The following SMAD4 variants were observed in gnomAD, a reference collection of about 807,000 sequenced individuals.
SMAD4 encodes the protein MAD homolog 4.
A neutral mutation model predicts 63.2 loss-of-function variants in SMAD4; 7 were observed. The observed-to-expected ratio is 0.11, with a 90% CI of 0.06 to 0.21. SMAD4 has a LOEUF of 0.21. Among genes scored for constraint, SMAD4 ranks in the 10% least tolerant of loss-of-function variants. The probability of loss-of-function intolerance (pLI) is 1.00; values close to 1 mark genes in which losing one functional copy is unlikely to be tolerated. For synonymous variants in SMAD4, 215 were observed against 235.4 expected (o/e 0.91, Z 0.79); for missense variants, 312 against 693.8 (o/e 0.45, Z 6.18).
intron 8 of SMAD4, among the ~76,000 whole-genome samples, chr18:51,061,341 T>C (rs1452739583): frequency 6.6e-6 from 1 of 152,200 alleles, no homozygotes; most frequent in African/African-American, 2.4e-5. Context: ...CATCCTCACC[T>C]TCCCCCAATC....
At chr18:51,036,796 G>A (rs1166628834) in intron 1 of SMAD4, among the ~76,000 whole-genome samples, 4 of 152,156 alleles carry the variant, frequency 2.6e-5, no homozygotes, top group Non-Finnish European at 4.4e-5. Context: ...TAACCTGCGG[G>A]GGATTTTGAT....
intron 10 of SMAD4, among the ~76,000 whole-genome samples, chr18:51,075,915 C>A (rs1039136547): frequency 1.7e-4 from 26 of 152,044 alleles, no homozygotes; most frequent in Admixed American, 1.6e-3. Context: ...GAAACTCAGC[C>A]CATATAATTA....
At chr18:51,071,708 T>C (rs1378326985) in intron 10 of SMAD4, among the ~76,000 whole-genome samples, 2 of 152,218 alleles carry the variant, frequency 1.3e-5, no homozygotes, top group Non-Finnish European at 2.9e-5. Flanking sequence ...GTGCAGTCAT[T>C]ACTACTCAAT....
At chr18:51,049,217 C>G (rs2144407161) in intron 3 of SMAD4, 78 bp from the exon 4 acceptor site, 1 of 1,123,332 alleles carries the variant, frequency 8.9e-7, no homozygotes, top group East Asian at 2.4e-5. Flanking sequence ...TTTAAATTTA[C>G]ATTCTCTGTT....
At chr18:51,069,924 G>C (rs1460693215) in intron 10 of SMAD4, among the ~76,000 whole-genome samples, 3 of 152,138 alleles carry the variant, frequency 2.0e-5, no homozygotes, top group Admixed American at 2.0e-4. Context: ...TTTAGTCTCT[G>C]CTCTCCACTG....
At chr18:51,076,200 A>G (rs1168189448) in intron 10 of SMAD4, among the ~76,000 whole-genome samples, 1 of 152,210 alleles carries the variant, frequency 6.6e-6, no homozygotes, top group Non-Finnish European at 1.5e-5. Flanking sequence ...CGACAGTGCC[A>G]TTTTGTTAAA....
At chr18:51,077,494 A>G (rs982584928) in intron 11 of SMAD4, 22 of 393,354 alleles carry the variant, frequency 5.6e-5, no homozygotes, top group Non-Finnish European at 7.3e-5. Flanking sequence ...AATTCCTCCC[A>G]TTAGTTTCAT....
In SMAD4 at chr18:51,078,791, TGCAG is replaced by T; in HGVS notation, c.*325_*328del. On this transcript the variant is annotated 3_prime_UTR_variant, in exon 12 of 12. Transcript: ENST00000342988. The stretch of plus-strand genomic sequence containing the variant: ...TTAAAACGTCTTAGAGCCTTTTATC[TGCAG>T]AACATCGATATGTATATCATTCTAC... 1 of 340,904 alleles carries T rather than the reference TGCAG, an allele frequency of 2.9e-6. No homozygotes were observed. The highest frequency in any genetic ancestry group is 2.0e-5 in the African/African-American group (1 of 49,480). The allele number at this position is 340,904 out of a possible 1,614,324, so 21.1% of individuals were successfully genotyped here.
Position 51,049,344 on chromosome 18 carries a change from C to T in SMAD4, c.454+20C>T, listed in dbSNP as rs758615780. The T allele has an allele frequency of 6.3e-6, 10 of 1,578,658 alleles. No homozygotes were observed. In the African/African-American group the frequency reaches 1.3e-4, roughly 21 times the overall value. ...GTAATGGTAGGTAATCTGTTTCTTA[C>T]TACTTTCTCTTTGTTTTGTCCTATC... On this transcript the variant is annotated intron_variant, in intron 4 of 11. Transcript: ENST00000342988.
At chr18:51,054,298 A>G (rs1909783275) in intron 4 of SMAD4, 1 of 169,376 alleles carries the variant, frequency 5.9e-6, no homozygotes, top group Admixed American at 5.6e-5. Flanking sequence ...ATAATTCTAG[A>G]TCCTGGGATT....
Position 51,082,765 on chromosome 18 carries a change from C to G in SMAD4, c.*4298C>G. On this transcript the variant is annotated 3_prime_UTR_variant, in exon 12 of 12. Coordinates refer to ENST00000342988, the MANE Select transcript of SMAD4 (RefSeq NM_005359.6). The stretch of plus-strand genomic sequence containing the variant: ...TTTTTAACCCACTTCCCCTCCTGGT[C>G]TCTTCCCTCTCTGATAATTACCATT... 1 of 229,730 alleles carries G rather than the reference C, an allele frequency of 4.4e-6. No individual in the cohort carries two copies. The highest frequency in any genetic ancestry group is 1.3e-3 in the Middle Eastern group (1 of 770). The allele number at this position is 229,730 out of a possible 1,614,324, so 14.2% of individuals were successfully genotyped here.
chr18:51,035,531 A>G (rs966938673), intron 1 of SMAD4, among the ~76,000 whole-genome samples: 1 of 152,158 alleles, frequency 6.6e-6, no homozygotes, highest in African/African-American at 2.4e-5. Flanking sequence ...AAATAAATAA[A>G]TAAATATAAC....
intron 1 of SMAD4, among the ~76,000 whole-genome samples, chr18:51,040,267 T>C (rs1288976554): frequency 6.6e-6 from 1 of 151,846 alleles, no homozygotes; most frequent in African/African-American, 2.4e-5. Flanking sequence ...CTGCTAATAA[T>C]ACAAAAATTA....
Position 51,079,897 on chromosome 18 carries a change from G to A in SMAD4, c.*1430G>A, listed in dbSNP as rs1910566912. 2 of 231,878 alleles carry A rather than the reference G, an allele frequency of 8.6e-6. No homozygotes were observed. Among genetic ancestry groups the A allele is most frequent in the East Asian group, 1.2e-4 (2 of 16,438 alleles). 14.4% of individuals were successfully genotyped at this position (231,878 alleles called of 1,614,324 possible). On this transcript the variant is annotated 3_prime_UTR_variant, in exon 12 of 12. Coordinates refer to ENST00000342988, the MANE Select transcript of SMAD4 (RefSeq NM_005359.6). ...AGGCAACAGCCAGTTCTATTGGGCA[G>A]CTTTGTTTTTTTCCCTCACACTCTA...
In SMAD4 at chr18:51,081,629, A is replaced by T; in HGVS notation, c.*3162A>T. The T allele has an allele frequency of 8.6e-6, 2 of 232,866 alleles. No individual in the cohort carries two copies. The highest frequency in any genetic ancestry group is 1.2e-4 in the East Asian group (2 of 16,500). 14.4% of individuals were successfully genotyped at this position (232,866 alleles called of 1,614,324 possible). A position where few individuals can be genotyped will look rare whatever the true frequency, so the allele number is the denominator to read the frequency against. ...AGACATGTGAGTAAACTGAACTCAT[A>T]TTAGCTGTGCTGCATTTCAGACTTA... On this transcript the variant is annotated 3_prime_UTR_variant, in exon 12 of 12. Transcript: ENST00000342988.
chr18:51,044,641 C>T (rs895030920), intron 1 of SMAD4, among the ~76,000 whole-genome samples: 9 of 152,314 alleles, frequency 5.9e-5, no homozygotes, highest in Middle Eastern at 3.4e-3. Flanking sequence ...GATCCACCTG[C>T]GTCGGCCTCC....
intron 4 of SMAD4, among the ~76,000 whole-genome samples, chr18:51,050,086 G>T (rs994420269): frequency 2.0e-5 from 3 of 152,082 alleles, no homozygotes; most frequent in Non-Finnish European, 2.9e-5. Context: ...AGCCAGGCAC[G>T]GTGGTTCACA....
intron 1 of SMAD4, among the ~76,000 whole-genome samples, chr18:51,046,608 C>T (rs1391402090): frequency 6.6e-6 from 1 of 151,902 alleles, no homozygotes; most frequent in Non-Finnish European, 1.5e-5. Flanking sequence ...GTAAGATTTT[C>T]CTTTAGGGTG....
At chr18:51,036,893 C>G (rs187196875) in intron 1 of SMAD4, among the ~76,000 whole-genome samples, 11 of 152,336 alleles carry the variant, frequency 7.2e-5, no homozygotes, top group African/African-American at 2.2e-4. Flanking sequence ...TGCGGTGACT[C>G]ACGCCTGTAA....
Sources: gnomAD v4.1 joint callset for allele counts (sites outside exome capture counted in the v4.1 genomes callset) on GRCh38, gnomAD v4.1.1 for gene constraint, MANE v1.5 for transcripts, NCBI Gene and HGNC (gene_info 2026-07-23, HGNC 2026-07-21) for gene names.